Variants in TPH2 observed in about 807,000 individuals in gnomAD.
TPH2 encodes the protein tryptophan hydroxylase 2, also known as tryptophan 5-hydroxylase 2.
In TPH2, 27 loss-of-function variants were observed where a neutral mutation model predicts 59.1. The ratio of observed to expected loss-of-function variants is 0.46; its 90% CI spans 0.34 to 0.63. The LOEUF (loss-of-function observed/expected upper bound fraction) is 0.63. TPH2 is among the 30% of genes least tolerant of loss of function. The pLI, the probability that TPH2 is intolerant of heterozygous loss-of-function variation, is 0.01. For missense variants in TPH2, 523 were observed against 588.3 expected (o/e 0.89, Z 1.15); for synonymous variants, 220 against 210.5 (o/e 1.05, Z -0.39).
chr12:71,989,559 T>A lies in TPH2; in HGVS notation c.942-4880T>A, dbSNP rs565860731. ...TGTGTCATTTAGAGCAAACAAAACC[T>A]AAAGAAATATGTTTTAAAAGACAGA... On this transcript the variant is annotated intron_variant, in intron 7 of 10. Coordinates refer to ENST00000333850, the MANE Select transcript of TPH2 (RefSeq NM_173353.4). Among the ~76,000 whole-genome samples the A allele has an allele frequency of 6.6e-5, 10 of 152,298 alleles. No individual in the cohort carries two copies. The East Asian group carries it at 1.9e-3, about 29-fold the overall frequency.
At chr12:72,005,262 G>T (rs1389830705) in intron 8 of TPH2, among the ~76,000 whole-genome samples, 1 of 152,058 alleles carries the variant, frequency 6.6e-6, no homozygotes, top group Admixed American at 6.6e-5. Flanking sequence ...CCTTTAGAAC[G>T]TCCATAAAAA....
At chr12:71,988,640 A>G (rs1872506602) in intron 7 of TPH2, among the ~76,000 whole-genome samples, 1 of 152,142 alleles carries the variant, frequency 6.6e-6, no homozygotes, top group South Asian at 2.1e-4. Flanking sequence ...GTCACCTCCC[A>G]CCAGGCCCCA....
intron 1 of TPH2, among the ~76,000 whole-genome samples, chr12:71,939,588 G>T (rs1477755121): frequency 6.6e-6 from 1 of 152,116 alleles, no homozygotes; most frequent in Non-Finnish European, 1.5e-5. Flanking sequence ...AGTTATGGGT[G>T]CAGGTTATTG....
intron 8 of TPH2, among the ~76,000 whole-genome samples, chr12:72,009,603 T>G (rs1686734974): frequency 6.6e-6 from 1 of 152,234 alleles, no homozygotes; most frequent in African/African-American, 2.4e-5. Flanking sequence ...TTCCAAATGG[T>G]GAGACTAAGA....
At chr12:72,021,819 A>T (rs1408608889) in intron 8 of TPH2, among the ~76,000 whole-genome samples, 1 of 152,198 alleles carries the variant, frequency 6.6e-6, no homozygotes, top group Non-Finnish European at 1.5e-5. Context: ...AGATTTTACT[A>T]AAAAAGTATA....
intron 5 of TPH2, among the ~76,000 whole-genome samples, 154 bp from the exon 6 acceptor site, chr12:71,972,365 C>G (rs1871997284): frequency 6.6e-6 from 1 of 152,148 alleles, no homozygotes; most frequent in Non-Finnish European, 1.5e-5. Flanking sequence ...AGAAGGTTAG[C>G]ATTTGCTTTA....
At chr12:71,987,111 AT>A (rs879266543) in intron 7 of TPH2, among the ~76,000 whole-genome samples, 2 of 152,168 alleles carry the variant, frequency 1.3e-5, no homozygotes, top group Non-Finnish European at 2.9e-5. Context: ...CATTTTACAG[AT>A]GGCAATTCCA....
At chr12:71,990,932 G>A (rs954390539) in intron 7 of TPH2, among the ~76,000 whole-genome samples, 24 of 152,232 alleles carry the variant, frequency 1.6e-4, no homozygotes, top group African/African-American at 5.8e-4. Context: ...TAGACAACTC[G>A]CTTCAGGCTT....
At position 71,994,494 on chromosome 12, in the gene TPH2, G is replaced by C; in HGVS notation, c.997G>C (p.Ala333Pro). 4 of 1,613,986 alleles carry C rather than the reference G, an allele frequency of 2.5e-6. No homozygotes were observed. The highest frequency in any genetic ancestry group is 3.4e-6 in the Non-Finnish European group (4 of 1,179,888). Residue 333 changes from alanine to proline, a missense_variant, in exon 8 of 11, where the codon GCT becomes CCT. By Grantham distance (27) the Ala-to-Pro change is conservative (BLOSUM62 -1). Transcript: ENST00000333850. ...HVPLLADPKF[A>P]QFSQEIGLAS... ...TCCACTACTTGCGGATCCTAAGTTT[G>C]CTCAGTTTTCACAAGAAATAGGTCT...
intron 7 of TPH2, among the ~76,000 whole-genome samples, chr12:71,993,775 G>A (rs1182462666): frequency 2.0e-5 from 3 of 152,224 alleles, no homozygotes; most frequent in African/African-American, 2.4e-5. Flanking sequence ...CTGGCAGAGT[G>A]TAACAGAGTT....
intron 8 of TPH2, among the ~76,000 whole-genome samples, chr12:72,003,152 A>C (rs1872869314): frequency 6.6e-6 from 1 of 152,202 alleles, no homozygotes; most frequent in Non-Finnish European, 1.5e-5. Context: ...ACTTATGCAC[A>C]GCTGTAGTTC....
At chr12:72,015,481 A>G (rs947720305) in intron 8 of TPH2, among the ~76,000 whole-genome samples, 1 of 151,472 alleles carries the variant, frequency 6.6e-6, no homozygotes, top group South Asian at 2.1e-4. Flanking sequence ...CACCACGCCC[A>G]GCTAATTTTT....
At position 71,941,602 on chromosome 12, in the gene TPH2, G is replaced by C. The variant is rs1315366155; in HGVS notation, c.124G>C (p.Gly42Arg). The change falls in exon 2 of 11, where the codon GGC (glycine) becomes CGC (arginine). Residue 42 changes from glycine (G) to arginine (R), a missense_variant. By Grantham distance (125) the Gly-to-Arg change is moderately radical (BLOSUM62 -2). Transcript: ENST00000333850. ...CCTGAAGCTAAATAAACCTAACTCT[G>C]GCAAAAATGACGACAAAGGCAACAA... ...GSSTLNKPNSGKNDDKGNKGS... is the reference protein window; with the variant it reads ...GSSTLNKPNSRKNDDKGNKGS... The C allele has an allele frequency of 1.9e-6, 3 of 1,613,766 alleles. No individual in the cohort carries two copies. In the African/African-American group the frequency reaches 4.0e-5, roughly 22 times the overall value.
At chr12:71,979,232 G>A (rs1440287258) in intron 7 of TPH2, 145 bp downstream of exon 7, 1 of 1,279,786 alleles carries the variant, frequency 7.8e-7, no homozygotes, top group East Asian at 2.3e-5. Context: ...AAGAGAAAAG[G>A]GCTCACTGAA....
chr12:71,983,176 G>A (rs1281359037), intron 7 of TPH2, among the ~76,000 whole-genome samples: 1 of 152,178 alleles, frequency 6.6e-6, no homozygotes, highest in Non-Finnish European at 1.5e-5. Context: ...GGTTTTCCTG[G>A]TGGGAGGAGT....
chr12:71,973,750 T>C (rs1011816574), intron 6 of TPH2, among the ~76,000 whole-genome samples: 3 of 152,238 alleles, frequency 2.0e-5, no homozygotes, highest in African/African-American at 7.2e-5. Context: ...ACTTGGGGTC[T>C]GGAATGGGAC....
At chr12:72,029,396 C>T (rs182115437) in intron 9 of TPH2, among the ~76,000 whole-genome samples, 87 of 152,290 alleles carry the variant, frequency 5.7e-4, no homozygotes, top group African/African-American at 2.0e-3. Flanking sequence ...CAACGTAGTA[C>T]ATTAAATGTA....
intron 8 of TPH2, among the ~76,000 whole-genome samples, chr12:72,017,414 G>A (rs1592413441): frequency 6.6e-6 from 1 of 152,124 alleles, no homozygotes; most frequent in South Asian, 2.1e-4. Context: ...AGAGGTCTGA[G>A]CTATCATTTC....
chr12:71,973,069 A>G (rs1221498634), intron 6 of TPH2, among the ~76,000 whole-genome samples: 1 of 152,226 alleles, frequency 6.6e-6, no homozygotes, highest in African/African-American at 2.4e-5. Flanking sequence ...GCTTTGTTAA[A>G]AAGTATGTAC....
Sources: gnomAD v4.1 joint callset for allele counts (sites outside exome capture counted in the v4.1 genomes callset) on GRCh38, gnomAD v4.1.1 for gene constraint, MANE v1.5 for transcripts, NCBI Gene and HGNC (gene_info 2026-07-23, HGNC 2026-07-21) for gene names.